SLC12A8: variants seen among roughly 807,000 people sequenced by gnomAD.
The protein encoded by SLC12A8 is solute carrier family 12 member 8.
In SLC12A8, 69 loss-of-function variants were observed where a neutral mutation model predicts 75.6. That is an observed-to-expected ratio of 0.91 (90% CI 0.75 to 1.11). The LOEUF is 1.11. Among genes scored for constraint, SLC12A8 ranks in the 50% most tolerant of loss-of-function variants. The pLI, the probability that SLC12A8 is intolerant of heterozygous loss-of-function variation, is 0.00. For missense variants in SLC12A8, 877 were observed against 896.7 expected, an observed-to-expected ratio of 0.98 and a Z score of 0.28; for synonymous variants, 365 against 372.8, an observed-to-expected ratio of 0.98 and a Z score of 0.24.
intron 5 of SLC12A8, among the ~76,000 whole-genome samples, chr3:125,156,601 G>A (rs756969410): frequency 2.6e-5 from 4 of 152,228 alleles, no homozygotes; most frequent in Non-Finnish European, 5.9e-5. Flanking sequence ...GATGGGATGA[G>A]AGGTGGGATG....
At chr3:125,104,167 G>C (rs35237061) in intron 10 of SLC12A8, among the ~76,000 whole-genome samples, 32,666 of 152,124 alleles carry the variant, frequency 0.21, 4,275 homozygotes, top group Non-Finnish European at 0.3. Flanking sequence ...GTGCGGTGGA[G>C]TGATCATAGC....
intron 4 of SLC12A8, among the ~76,000 whole-genome samples, chr3:125,186,567 CA>C (rs1934787676): frequency 6.6e-6 from 1 of 152,236 alleles, no homozygotes; most frequent in Non-Finnish European, 1.5e-5. Context: ...GAAATGCTGA[CA>C]AAGAACTGCT....
Position 125,107,714 on chromosome 3 carries a change from C to T in SLC12A8, c.1472G>A (p.Arg491Lys), listed in dbSNP as rs769750655. 54 of 1,614,058 alleles carry T rather than the reference C, an allele frequency of 3.3e-5. No homozygotes were observed. The South Asian group carries it at 5.0e-4, about 15-fold the overall frequency. The change falls in exon 10 of 14, where the codon AGG becomes AAG. Residue 491 changes from arginine (R) to lysine (K), a missense_variant. Physicochemically the swap from Arg to Lys is conservative, Grantham distance 26 (BLOSUM62 2). Transcript: ENST00000469902. ...EGNRTPESQK[R>K]KSKKATKQTL... ...CTGCTTGGTGGCCTTCTTGCTTTTCCTCTTCTGACTTTCTGGGGTCCTGTT... is the reference window on the plus strand; with the variant it reads ...CTGCTTGGTGGCCTTCTTGCTTTTCTTCTTCTGACTTTCTGGGGTCCTGTT...
At chr3:125,117,980 GGA>G (rs1939353359) in intron 8 of SLC12A8, among the ~76,000 whole-genome samples, 1 of 152,244 alleles carries the variant, frequency 6.6e-6, no homozygotes. Flanking sequence ...TGAGGGACAA[GGA>G]GGGCCTCGGC....
chr3:125,084,350 A>T (rs2981480), intron 13 of SLC12A8, among the ~76,000 whole-genome samples: 40,149 of 151,942 alleles, frequency 0.26, 5,653 homozygotes, highest in Non-Finnish European at 0.3. Flanking sequence ...TTGCCCTCCA[A>T]ATGGTATCAT....
intron 6 of SLC12A8, among the ~76,000 whole-genome samples, chr3:125,131,269 G>A (rs1208123859): frequency 6.6e-6 from 1 of 152,112 alleles, no homozygotes; most frequent in Non-Finnish European, 1.5e-5. Flanking sequence ...GATTTTGGAG[G>A]GAAACAGAAA....
intron 7 of SLC12A8, chr3:125,119,987 C>A: frequency 2.3e-6 from 1 of 438,822 alleles, no homozygotes; most frequent in Non-Finnish European, 4.6e-6. Context: ...AACTAAAACC[C>A]CAGAGGCCTG....
At chr3:125,099,792 G>A (rs1236454256) in intron 10 of SLC12A8, among the ~76,000 whole-genome samples, 2 of 152,146 alleles carry the variant, frequency 1.3e-5, no homozygotes, top group Non-Finnish European at 2.9e-5. Context: ...GCTGAGCATG[G>A]TGGTGGGCAT....
intron 4 of SLC12A8, among the ~76,000 whole-genome samples, chr3:125,182,209 C>T (rs1311149727): frequency 6.6e-6 from 1 of 152,074 alleles, no homozygotes; most frequent in Non-Finnish European, 1.5e-5. Flanking sequence ...CGCCTGTAGT[C>T]TCACCTACTT....
chr3:125,168,746 A>G (rs1209626551), intron 5 of SLC12A8, among the ~76,000 whole-genome samples: 1 of 152,216 alleles, frequency 6.6e-6, no homozygotes, highest in African/African-American at 2.4e-5. Flanking sequence ...TGGGAGCCTG[A>G]GATAAAGGAA....
intron 5 of SLC12A8, among the ~76,000 whole-genome samples, chr3:125,139,995 C>G (rs74402096): frequency 6.6e-6 from 1 of 152,212 alleles, no homozygotes; most frequent in Non-Finnish European, 1.5e-5. Context: ...TACATCTGCA[C>G]GTGAGATTGT....
rs764078582 is a variant in SLC12A8, at chr3:125,135,795, A to C, written c.623-13T>G. The C allele has an allele frequency of 6.6e-7, 1 of 1,508,770 alleles. No individual in the cohort carries two copies. Among genetic ancestry groups the C allele is most frequent in the South Asian group, 1.2e-5 (1 of 84,896 alleles). The allele number at this position is 1,508,770 out of a possible 1,614,324, so 93.5% of individuals were successfully genotyped here. A position where few individuals can be genotyped will look rare whatever the true frequency, so the allele number is the denominator to read the frequency against. On this transcript the variant is annotated splice_polypyrimidine_tract_variant and intron_variant, in intron 5 of 13. Transcript: ENST00000469902. ...ATGAAACCATGTTCTGAAATAAAGC[A>C]ATGGAGAGCAACGTAAGCCCAGTGA... is the stretch of plus-strand genomic sequence containing the variant.
intron 2 of SLC12A8, among the ~76,000 whole-genome samples, chr3:125,192,126 C>T (rs891645326): frequency 3.3e-5 from 5 of 151,964 alleles, no homozygotes; most frequent in Non-Finnish European, 5.9e-5. Context: ...CACTTCCTAT[C>T]GTGGCTTGCT....
intron 10 of SLC12A8, among the ~76,000 whole-genome samples, chr3:125,104,291 T>C (rs945182222): frequency 5.9e-5 from 9 of 151,886 alleles, no homozygotes; most frequent in African/African-American, 2.2e-4. Flanking sequence ...TTAATTTTTG[T>C]AGATATGGGG....
rs554663220 is a variant in SLC12A8 at position 125,141,182 on chromosome 3, G to A, written c.623-5400C>T. Among the ~76,000 whole-genome samples the A allele has an allele frequency of 9.9e-4, 151 of 151,984 alleles. 2 individuals carry two copies. The highest frequency in any genetic ancestry group is 1.5e-3 in the Admixed American group (23 of 15,252). ...CAAAAAGGGGGGTGGGGTGGGGTGC[G>A]GGTAAGACAGAGAACAAATGACAAC... On this transcript the variant is annotated intron_variant, in intron 5 of 13. Coordinates refer to ENST00000469902, the MANE Select transcript of SLC12A8 (RefSeq NM_024628.6).
chr3:125,128,427 G>A (rs1464351065), intron 6 of SLC12A8, among the ~76,000 whole-genome samples: 9 of 137,700 alleles, frequency 6.5e-5, no homozygotes, highest in Non-Finnish European at 1.1e-4. Flanking sequence ...TGATCCGCCC[G>A]CCTCGGCCTC....
intron 5 of SLC12A8, among the ~76,000 whole-genome samples, chr3:125,144,443 C>T (rs1560066670): frequency 6.6e-6 from 1 of 152,130 alleles, no homozygotes. Context: ...CAGAGGGGTC[C>T]AGAGGGACCT....
In SLC12A8 at chr3:125,120,639, C is replaced by A. The variant is rs533253112; in HGVS notation, c.784G>T (p.Ala262Ser). 1 of 1,613,648 alleles carries A rather than the reference C, an allele frequency of 6.2e-7. No individual in the cohort carries two copies. The highest frequency in any genetic ancestry group is 1.1e-5 in the South Asian group (1 of 90,984). The change falls in exon 7 of 14, where the codon GCC becomes TCC. Residue 262 changes from alanine to serine, a missense_variant. Transcript: ENST00000469902. ...GCCAGGGAGCCCAGGGGAATGCTGG[C>A]GGCAGGCTCCCTGAGGTCGCCCCCC... ...NMGGDLREPA[A>S]SIPLGSLAAV...
At chr3:125,112,822 G>A (rs1939220359) in intron 8 of SLC12A8, among the ~76,000 whole-genome samples, 1 of 152,178 alleles carries the variant, frequency 6.6e-6, no homozygotes, top group South Asian at 2.1e-4. Flanking sequence ...ATCACCCAGA[G>A]ATTCTGATTT....
Sources: gnomAD v4.1 joint callset for allele counts (sites outside exome capture counted in the v4.1 genomes callset) on GRCh38, gnomAD v4.1.1 for gene constraint, MANE v1.5 for transcripts, NCBI Gene and HGNC (gene_info 2026-07-23, HGNC 2026-07-21) for gene names.